Variants in LRRC3C observed in about 807,000 individuals in gnomAD.
The protein encoded by LRRC3C is leucine rich repeat containing 3C, also known as leucine-rich repeat-containing protein 3C.
In LRRC3C, 11 loss-of-function variants were observed where a neutral mutation model predicts 14.8. That is an observed-to-expected ratio of 0.74 (90% CI 0.47 to 1.23). The LOEUF is 1.23. Among genes scored for constraint, LRRC3C ranks in the 50% most tolerant of loss-of-function variants. The pLI, the probability that LRRC3C is intolerant of heterozygous loss-of-function variation, is 0.00. For missense variants in LRRC3C, 354 were observed against 361.8 expected, an observed-to-expected ratio of 0.98 and a Z score of 0.18; for synonymous variants, 149 against 161.5, an observed-to-expected ratio of 0.92 and a Z score of 0.59.
At chr17:39,934,364 C>A (rs1277359341) in intron 1 of LRRC3C, among the ~76,000 whole-genome samples, 1 of 152,152 alleles carries the variant, frequency 6.6e-6, no homozygotes, top group Non-Finnish European at 1.5e-5. Flanking sequence ...CAAGACAAGA[C>A]CCCCTAGCTC....
Position 39,944,541 on chromosome 17 carries a change from C to CGGGGT in LRRC3C, c.645_649dup (p.Ala217ValfsTer19), listed in dbSNP as rs1309159912. On this transcript the variant is annotated frameshift_variant, in exon 4 of 4. Transcript: ENST00000377924. LOFTEE classifies it high-confidence loss of function. ...GCAGGGGAGGAAGAGCTGTGTGGGT[C>CGGGGT]GGGGTGGGGTGGGGCCCGGAGGAGC... 2.0e-6 allele frequency: 1 copy of CGGGGT among 501,884 alleles called. No individual in the cohort carries two copies. The highest frequency in any genetic ancestry group is 2.5e-5 in the Admixed American group (1 of 40,428). The allele number at this position is 501,884 out of a possible 1,614,324, so 31.1% of individuals were successfully genotyped here. A position where few individuals can be genotyped will look rare whatever the true frequency, so the allele number is the denominator to read the frequency against.
At chr17:39,938,074 G>A (rs971368034) in intron 2 of LRRC3C, among the ~76,000 whole-genome samples, 1 of 152,174 alleles carries the variant, frequency 6.6e-6, no homozygotes, top group Non-Finnish European at 1.5e-5. Context: ...AGAGGCTACT[G>A]TGAGCCGAGA....
chr17:39,935,112 C>A (rs1464510999), intron 1 of LRRC3C, among the ~76,000 whole-genome samples: 1 of 152,148 alleles, frequency 6.6e-6, no homozygotes, highest in Admixed American at 6.5e-5. Flanking sequence ...AATGCCTTAA[C>A]TGTAGGGTTC....
chr17:39,930,536 C>T (rs530761038), intron 1 of LRRC3C, among the ~76,000 whole-genome samples: 2 of 149,306 alleles, frequency 1.3e-5, no homozygotes, highest in South Asian at 2.1e-4. Flanking sequence ...GGTGAAACTC[C>T]GTCTCTACTA....
chr17:39,930,277 C>CAAAA (rs61165669), intron 1 of LRRC3C, among the ~76,000 whole-genome samples: 1 of 57,564 alleles, frequency 1.7e-5, no homozygotes, highest in Admixed American at 2.9e-4. Flanking sequence ...GATCCTGTCT[C>CAAAA]AAAAAAAAAA....
chr17:39,930,277 CAAAAAAAA>C (rs61165669), intron 1 of LRRC3C, among the ~76,000 whole-genome samples: 4 of 57,564 alleles, frequency 6.9e-5, no homozygotes, highest in South Asian at 7.3e-4. Context: ...GATCCTGTCT[CAAAAAAAA>C]AAAAAAAAAA....
chr17:39,943,966 G>A lies in LRRC3C; in HGVS notation c.60G>A (p.Met20Ile), dbSNP rs1468068503. ...GCACTCCAGGACTATGCCAATTTATGGCCATGCTCCCAACAGCAGGTCACC... is the reference window on the plus strand; with the variant it reads ...GCACTCCAGGACTATGCCAATTTATAGCCATGCTCCCAACAGCAGGTCACC... Reference protein sequence around the residue: ...SYCTPGLCQFMAMLPTAGHLL... With the variant: ...SYCTPGLCQFIAMLPTAGHLL... Residue 20 changes from methionine to isoleucine, a missense_variant, in exon 4 of 4, where the codon ATG (methionine) becomes ATA (isoleucine). Met to Ile is a conservative substitution (Grantham distance 10). Transcript: ENST00000377924. 1.3e-6 allele frequency: 2 copies of A among 1,535,990 alleles called. No homozygotes were observed. Among genetic ancestry groups the A allele is most frequent in the African/African-American group, 2.7e-5 (2 of 73,024 alleles).
intron 2 of LRRC3C, 94 bp from the exon 3 acceptor site, chr17:39,941,349 T>TAA (rs11344927): frequency 1.1e-3 from 306 of 269,542 alleles, no homozygotes; most frequent in Middle Eastern, 2.1e-3. Flanking sequence ...AGACTTTATC[T>TAA]AAAAAAAAAA....
Position 39,943,923 on chromosome 17 carries a change from C to T in LRRC3C, c.27-10C>T, listed in dbSNP as rs1262969477. The T allele has an allele frequency of 6.5e-7, 1 of 1,535,930 alleles. No individual in the cohort carries two copies. The highest frequency in any genetic ancestry group is 1.4e-5 in the African/African-American group (1 of 73,160). ...CTCACTCCTCCTTTATGTGGCCTTTCCTTCCCCAGATCCTACTGCACTCCA... is the reference window on the plus strand; with the variant it reads ...CTCACTCCTCCTTTATGTGGCCTTTTCTTCCCCAGATCCTACTGCACTCCA... On this transcript the variant is annotated splice_polypyrimidine_tract_variant and intron_variant, in intron 3 of 3. Coordinates refer to ENST00000377924, the MANE Select transcript of LRRC3C (RefSeq NM_001195545.2).
At chr17:39,938,574 G>A (rs1978860547) in intron 2 of LRRC3C, among the ~76,000 whole-genome samples, 2 of 151,316 alleles carry the variant, frequency 1.3e-5, no homozygotes, top group Non-Finnish European at 2.9e-5. Context: ...GGTGGCACAT[G>A]TCTGTGGTCC....
At chr17:39,937,171 C>A (rs963226366) in intron 2 of LRRC3C, among the ~76,000 whole-genome samples, 48 of 151,818 alleles carry the variant, frequency 3.2e-4, no homozygotes, top group African/African-American at 1.2e-3. Flanking sequence ...CGCAGTGGCT[C>A]ACGCCTGTAA....
chr17:39,938,780 G>A lies in LRRC3C; in HGVS notation c.-81-2663G>A, dbSNP rs187896145. Among the ~76,000 whole-genome samples the A allele has an allele frequency of 3.2e-4, 48 of 152,212 alleles. 1 individual carries two copies. The highest frequency in any genetic ancestry group is 8.3e-4 in the South Asian group (4 of 4,826). On this transcript the variant is annotated intron_variant, in intron 2 of 3. Coordinates refer to ENST00000377924, the MANE Select transcript of LRRC3C (RefSeq NM_001195545.2). ...GAAGGTGGATCACCTGAGGTCAGGCGTTCAAGACCAGCCTGGCCAACATGG... is the reference window on the plus strand; with the variant it reads ...GAAGGTGGATCACCTGAGGTCAGGCATTCAAGACCAGCCTGGCCAACATGG...
At chr17:39,929,848 T>C (rs1012401009) in intron 1 of LRRC3C, among the ~76,000 whole-genome samples, 2 of 152,172 alleles carry the variant, frequency 1.3e-5, no homozygotes, top group Admixed American at 1.3e-4. Flanking sequence ...TTAGGACAGA[T>C]TGTGAAAACC....
Position 39,929,959 on chromosome 17 carries a change from A to G in LRRC3C, c.-175+2145A>G, listed in dbSNP as rs1978600278. Among the ~76,000 whole-genome samples the G allele has an allele frequency of 2.6e-5, 4 of 152,186 alleles. No homozygotes were observed. In the South Asian group the frequency reaches 8.3e-4, roughly 32 times the overall value. ...AGGGATATAGTCAGCAAAGTCTAGA[A>G]TGAAGAAAATTAGGACAAACACCCA... is the stretch of plus-strand genomic sequence containing the variant. On this transcript the variant is annotated intron_variant, in intron 1 of 3. Transcript: ENST00000377924.
rs574650709 is a variant in LRRC3C at position 39,944,443 on chromosome 17, G to C, written c.537G>C (p.Pro179=). Residue 179 remains proline (P), a synonymous_variant, in exon 4 of 4, where the codon CCG becomes CCC. Transcript: ENST00000377924. The part of the protein sequence containing the change: ...QEVLRQVRLV[P]GTGTGIVCGS... The stretch of plus-strand genomic sequence containing the variant: ...TGCTCCGGCAGGTGAGGCTGGTGCC[G>C]GGCACTGGGACAGGCATCGTGTGTG... 6.7e-7 allele frequency: 1 copy of C among 1,488,286 alleles called. No homozygotes were observed. The highest frequency in any genetic ancestry group is 8.9e-7 in the Non-Finnish European group (1 of 1,121,096). The allele number at this position is 1,488,286 out of a possible 1,614,324, so 92.2% of individuals were successfully genotyped here. A position where few individuals can be genotyped will look rare whatever the true frequency, so the allele number is the denominator to read the frequency against.
chr17:39,930,454 C>G (rs1278509233), intron 1 of LRRC3C, among the ~76,000 whole-genome samples: 2 of 141,466 alleles, frequency 1.4e-5, no homozygotes, highest in Admixed American at 7.1e-5. Context: ...ATGCCTGTAA[C>G]CCCAGTACTT....
At chr17:39,940,223 A>G (rs1413205062) in intron 2 of LRRC3C, among the ~76,000 whole-genome samples, 1 of 152,134 alleles carries the variant, frequency 6.6e-6, no homozygotes, top group African/African-American at 2.4e-5. Context: ...CTCAGAGATG[A>G]TATCATCTGG....
chr17:39,928,845 A>G (rs553597899), intron 1 of LRRC3C, among the ~76,000 whole-genome samples: 18 of 152,300 alleles, frequency 1.2e-4, no homozygotes, highest in Admixed American at 5.9e-4. Context: ...CAGTTGTCAC[A>G]CAGCTGGAGT....
intron 1 of LRRC3C, among the ~76,000 whole-genome samples, chr17:39,931,528 C>T (rs1598291455): frequency 6.6e-6 from 1 of 150,912 alleles, no homozygotes; most frequent in East Asian, 1.9e-4. Context: ...ACAGTGATTG[C>T]ATTTGCTTCG....
Sources: allele counts gnomAD v4.1 joint callset (sites outside exome capture counted in the v4.1 genomes callset), GRCh38; gene constraint gnomAD v4.1.1; transcripts MANE v1.5; gene names NCBI Gene and HGNC (gene_info 2026-07-23, HGNC 2026-07-21).